PWWP2A: variants seen among roughly 807,000 people sequenced by gnomAD.
The protein encoded by PWWP2A is PWWP domain containing 2A, also known as PWWP domain-containing protein 2A.
A neutral mutation model predicts 48.5 loss-of-function variants in PWWP2A; 18 were observed. The ratio of observed to expected loss-of-function variants is 0.37; its 90% CI spans 0.26 to 0.55. The LOEUF is 0.55. PWWP2A is among the 20% of genes least tolerant of loss of function. The pLI is 0.81. For missense variants in PWWP2A, 867 were observed against 976.4 expected (o/e 0.89, Z 1.49); for synonymous variants, 396 against 387.7 (o/e 1.02, Z -0.25).
At chr5:160,048,946 G>T in the PWWP2A span, among the ~76,000 whole-genome samples, 2 of 82,842 alleles carry the variant, frequency 2.4e-5, no homozygotes, top group African/African-American at 1.0e-4. Context: ...GCGAGACTCC[G>T]TCTAAAAAAA....
chr5:160,082,427 G>C (rs560822145), intron 2 of PWWP2A, among the ~76,000 whole-genome samples: 4 of 143,866 alleles, frequency 2.8e-5, no homozygotes, highest in South Asian at 2.3e-4. Context: ...CTGGGCGACA[G>C]AGCGAGACTC....
chr5:160,107,125 C>A (rs561982835), intron 1 of PWWP2A, among the ~76,000 whole-genome samples: 4 of 152,150 alleles, frequency 2.6e-5, no homozygotes, highest in Non-Finnish European at 4.4e-5. Flanking sequence ...CCGTGACCGG[C>A]CTTAACCGGG....
At chr5:160,050,973 T>TA in the PWWP2A span, among the ~76,000 whole-genome samples, 1 of 94,540 alleles carries the variant, frequency 1.1e-5, no homozygotes, top group Non-Finnish European at 2.2e-5. Flanking sequence ...CATAAATACT[T>TA]GGGGTTTTTT....
At chr5:160,111,772 T>C (rs1335659615) in intron 1 of PWWP2A, among the ~76,000 whole-genome samples, 2 of 152,180 alleles carry the variant, frequency 1.3e-5, no homozygotes, top group Non-Finnish European at 2.9e-5. Flanking sequence ...AATTGATTAT[T>C]CTCATCTGCT....
At position 160,080,978 on chromosome 5, in the gene PWWP2A, T is replaced by C. The variant is rs73311120; in HGVS notation, c.1550-208A>G. Among the ~76,000 whole-genome samples the C allele has an allele frequency of 8.6e-3, 1,315 of 152,264 alleles. 26 individuals carry two copies. Among genetic ancestry groups the C allele is most frequent in the African/African-American group, 0.03 (1,260 of 41,550 alleles). On this transcript the variant is annotated intron_variant, in intron 2 of 3. Coordinates refer to the PWWP2A transcript ENST00000456329. ...TGAGAGCTGTGTAGACACAACAGCCTTTGCCAGGAGAGGGCACTCTCCGGC... is the reference window on the plus strand; with the variant it reads ...TGAGAGCTGTGTAGACACAACAGCCCTTGCCAGGAGAGGGCACTCTCCGGC...
chr5:160,110,364 G>A (rs542799966), intron 1 of PWWP2A, among the ~76,000 whole-genome samples: 9 of 152,204 alleles, frequency 5.9e-5, no homozygotes, highest in African/African-American at 1.9e-4. Flanking sequence ...ATTATTTCAG[G>A]TGTAATAATG....
At chr5:160,100,057 T>C (rs1446871750) in intron 1 of PWWP2A, among the ~76,000 whole-genome samples, 1 of 151,762 alleles carries the variant, frequency 6.6e-6, no homozygotes, top group Non-Finnish European at 1.5e-5. Context: ...TCGCAGCACT[T>C]TGGGAGGCCA....
the PWWP2A span, among the ~76,000 whole-genome samples, chr5:160,046,653 TTTTA>T: frequency 4.6e-5 from 7 of 152,248 alleles, no homozygotes; most frequent in East Asian, 1.2e-3. Flanking sequence ...TATACACAAT[TTTTA>T]TTTGTCATTT....
chr5:160,091,667 GTATT>G lies in PWWP2A; in HGVS notation c.*711_*714del, dbSNP rs1755076910. On this transcript the variant is annotated 3_prime_UTR_variant, in exon 2 of 2. Coordinates refer to ENST00000307063, the MANE Select transcript of PWWP2A (RefSeq NM_001130864.2). ...AAACTCCCAAACCAGAAGCTTGAAA[GTATT>G]TATTAAATCCCCACTGGACGAAAGA... is the stretch of plus-strand genomic sequence containing the variant. 3 of 985,022 alleles carry G rather than the reference GTATT, an allele frequency of 3.0e-6. No individual in the cohort carries two copies. Among genetic ancestry groups the G allele is most frequent in the Admixed American group, 6.2e-5 (1 of 16,236 alleles). The allele number at this position is 985,022 out of a possible 1,614,324, so 61.0% of individuals were successfully genotyped here.
At chr5:160,085,793 A>C (rs1159650565) in intron 2 of PWWP2A, among the ~76,000 whole-genome samples, 1 of 141,972 alleles carries the variant, frequency 7.0e-6, no homozygotes, top group Admixed American at 7.0e-5. Context: ...GTGTGAGCCA[A>C]CACGCCCGGC....
intron 5 of PWWP2A, among the ~76,000 whole-genome samples, chr5:160,063,104 A>G (rs760130521): frequency 5.9e-5 from 9 of 152,162 alleles, no homozygotes; most frequent in Non-Finnish European, 1.2e-4. Context: ...AGCTTTCTCA[A>G]TTTACTGTTT....
chr5:160,071,509 A>G (rs1445994847), downstream of PWWP2A, among the ~76,000 whole-genome samples: 1 of 152,196 alleles, frequency 6.6e-6, no homozygotes, highest in African/African-American at 2.4e-5. Flanking sequence ...TCAAAGGGAA[A>G]GGCTATGATT....
downstream of PWWP2A, among the ~76,000 whole-genome samples, chr5:160,087,433 C>G (rs1754728132): frequency 6.7e-6 from 1 of 150,374 alleles, no homozygotes; most frequent in African/African-American, 2.4e-5. Flanking sequence ...TTGTAAGCTA[C>G]AGTTATTTCC....
downstream of PWWP2A, chr5:160,089,808 C>A (rs1754925732): frequency 2.0e-6 from 2 of 985,338 alleles, no homozygotes; most frequent in Non-Finnish European, 2.4e-6. Flanking sequence ...GAAAAAATAC[C>A]CACTTCTGTT....
At chr5:160,045,552 TCCCC>T in the PWWP2A span, among the ~76,000 whole-genome samples, 75 of 87,510 alleles carry the variant, frequency 8.6e-4, 3 homozygotes, top group African/African-American at 2.4e-3. Context: ...TCTCTCTCTC[TCCCC>T]CTCCCCTCTC....
intron 2 of PWWP2A, among the ~76,000 whole-genome samples, chr5:160,082,032 T>A (rs1322680034): frequency 6.6e-6 from 1 of 152,212 alleles, no homozygotes; most frequent in Non-Finnish European, 1.5e-5. Flanking sequence ...GGGAAAATAA[T>A]TTTTTAGGGT....
At chr5:160,112,689 G>A (rs1427658963) in intron 1 of PWWP2A, among the ~76,000 whole-genome samples, 3 of 151,702 alleles carry the variant, frequency 2.0e-5, no homozygotes, top group African/African-American at 7.3e-5. Flanking sequence ...CAGGCCACCT[G>A]GTCATTCTGT....
intron 1 of PWWP2A, 42 bp downstream of exon 1, chr5:160,118,763 G>A: frequency 7.3e-7 from 1 of 1,379,276 alleles, no homozygotes; most frequent in Non-Finnish European, 9.4e-7. Context: ...TCCCTCCCTG[G>A]GGACCCAGCG....
downstream of PWWP2A, among the ~76,000 whole-genome samples, chr5:160,088,358 G>A (rs1006639203): frequency 3.9e-5 from 6 of 152,094 alleles, no homozygotes; most frequent in East Asian, 1.9e-4. Flanking sequence ...TCAGCCTCTC[G>A]AGTAGCTGGG....
Sources: gnomAD v4.1 joint callset for allele counts (sites outside exome capture counted in the v4.1 genomes callset) on GRCh38, gnomAD v4.1.1 for gene constraint, MANE v1.5 for transcripts, NCBI Gene and HGNC (gene_info 2026-07-23, HGNC 2026-07-21) for gene names.